The following HSPA4L variants were observed in gnomAD, a reference collection of about 807,000 sequenced individuals.
The protein encoded by HSPA4L is heat shock protein family A (Hsp70) member 4 like, also known as heat shock 70 kDa protein 4L.
HSPA4L carries 48 observed loss-of-function variants against 100.3 expected under a neutral mutation model. That is an observed-to-expected ratio of 0.48 (90% CI 0.38 to 0.61). The LOEUF is 0.61. Ranked by LOEUF, HSPA4L falls within the 20% of genes least tolerant of loss-of-function variation. The pLI, the probability that HSPA4L is intolerant of heterozygous loss-of-function variation, is 0.00. For missense variants in HSPA4L, 886 were observed against 988.6 expected, an observed-to-expected ratio of 0.90 and a Z score of 1.39; for synonymous variants, 319 against 328.2, an observed-to-expected ratio of 0.97 and a Z score of 0.30.
intron 1 of HSPA4L, among the ~76,000 whole-genome samples, chr4:127,792,447 C>T (rs1291760286): frequency 1.3e-5 from 2 of 152,194 alleles, no homozygotes; most frequent in South Asian, 4.1e-4. Flanking sequence ...CTAGTGCTAT[C>T]CAGTAGAACT....
In HSPA4L at chr4:127,827,370, C is replaced by T. The variant is rs752388921; in HGVS notation, c.2112C>T (p.Asp704=). The T allele has an allele frequency of 1.2e-6, 2 of 1,613,434 alleles. No homozygotes were observed. The highest frequency in any genetic ancestry group is 2.2e-5 in the South Asian group (2 of 91,054). ...AAGAGAGACCAAAAGCCTTAAATGA[C>T]TTGGGAAAAAAGATCCAACTTGTCA... ...EHEERPKALN[D]LGKKIQLVMK... is the part of the protein sequence containing the mutation. Residue 704 remains aspartate, a synonymous_variant, in exon 17 of 19, where the codon GAC becomes GAT. Coordinates refer to ENST00000296464, the MANE Select transcript of HSPA4L (RefSeq NM_014278.4).
Position 127,782,425 on chromosome 4 carries a change from G to A in HSPA4L, c.-126G>A. 1 of 732,326 alleles carries A rather than the reference G, an allele frequency of 1.4e-6. No homozygotes were observed. Among genetic ancestry groups the A allele is most frequent in the Non-Finnish European group, 2.4e-6 (1 of 417,940 alleles). The allele number at this position is 732,326 out of a possible 1,614,324, so 45.4% of individuals were successfully genotyped here. A position where few individuals can be genotyped will look rare whatever the true frequency, so the allele number is the denominator to read the frequency against. ...CTCCCTGCCCTAGATTTTCTGCTTA[G>A]CGACTTGGGGTCCCCTCTCGTTTGC... On this transcript the variant is annotated 5_prime_UTR_variant, in exon 1 of 19. Coordinates refer to ENST00000296464, the MANE Select transcript of HSPA4L (RefSeq NM_014278.4).
chr4:127,813,422 A>G (rs908752549), intron 12 of HSPA4L: 11 of 421,270 alleles, frequency 2.6e-5, no homozygotes, highest in Non-Finnish European at 4.6e-5. Context: ...TCATTTTGTA[A>G]TCGCTTTCTT....
intron 18 of HSPA4L, among the ~76,000 whole-genome samples, chr4:127,831,181 A>G (rs1200055690): frequency 6.6e-6 from 1 of 152,072 alleles, no homozygotes; most frequent in Non-Finnish European, 1.5e-5. Flanking sequence ...TCCGAGATAA[A>G]CTTTTCAATT....
chr4:127,812,310 G>C (rs951078321), intron 12 of HSPA4L, among the ~76,000 whole-genome samples: 1 of 151,568 alleles, frequency 6.6e-6, no homozygotes, highest in Non-Finnish European at 1.5e-5. Flanking sequence ...TCAGGAGGCT[G>C]AGGCAGGAGA....
chr4:127,809,911 T>C (rs919275827), intron 11 of HSPA4L, among the ~76,000 whole-genome samples: 2 of 152,228 alleles, frequency 1.3e-5, no homozygotes, highest in Admixed American at 6.5e-5. Context: ...GTTTATAGGA[T>C]TGGTGTCAGT....
chr4:127,805,241 A>G lies in HSPA4L; in HGVS notation c.1137+17A>G. ...GCGTTACAGGTATAATTGTTATTTT[A>G]TTTTTTAGAATATGTATTTTGCCAG... On this transcript the variant is annotated intron_variant, in intron 9 of 18. Coordinates refer to ENST00000296464, the MANE Select transcript of HSPA4L (RefSeq NM_014278.4). 2 of 1,573,214 alleles carry G rather than the reference A, an allele frequency of 1.3e-6. No individual in the cohort carries two copies. Among genetic ancestry groups the G allele is most frequent in the Non-Finnish European group, 1.7e-6 (2 of 1,159,492 alleles).
At position 127,837,639 on chromosome 4, in the gene HSPA4L, G is replaced by A. The variant is rs1274253574; in HGVS notation, c.*4765G>A. 1 of 152,058 alleles carries A rather than the reference G, an allele frequency of 6.6e-6. No individual in the cohort carries two copies. The highest frequency in any genetic ancestry group is 1.5e-5 in the Non-Finnish European group (1 of 68,008). The allele number at this position is 152,058 out of a possible 1,614,324, so 9.4% of individuals were successfully genotyped here. On this transcript the variant is annotated 3_prime_UTR_variant, in exon 19 of 19. Coordinates refer to ENST00000296464, the MANE Select transcript of HSPA4L (RefSeq NM_014278.4). Reference sequence around the variant, plus strand: ...TGCCCAACATTTGATTTAATCTAAAGCAAGAATATAAAATAATTTTAAGAA... The same window carrying A: ...TGCCCAACATTTGATTTAATCTAAAACAAGAATATAAAATAATTTTAAGAA...
At chr4:127,823,263 C>G (rs1159012679) in intron 15 of HSPA4L, among the ~76,000 whole-genome samples, 1 of 152,114 alleles carries the variant, frequency 6.6e-6, no homozygotes, top group African/African-American at 2.4e-5. Flanking sequence ...GTCCTCTCAC[C>G]TCACCCTCAT....
In HSPA4L at chr4:127,838,983, T is replaced by G. The variant is rs1255966958; in HGVS notation, c.*6109T>G. 3 of 152,196 alleles carry G rather than the reference T, an allele frequency of 2.0e-5. No individual in the cohort carries two copies. The highest frequency in any genetic ancestry group is 2.9e-5 in the Non-Finnish European group (2 of 68,028). 9.4% of individuals were successfully genotyped at this position (152,196 alleles called of 1,614,324 possible). A position where few individuals can be genotyped will look rare whatever the true frequency, so the allele number is the denominator to read the frequency against. Reference sequence around the variant, plus strand: ...TTTAATAGTAGCATTCTGGAGTAGATTCTTTTTTTGTATTCTGGCCTTGGA... The same window carrying G: ...TTTAATAGTAGCATTCTGGAGTAGAGTCTTTTTTTGTATTCTGGCCTTGGA... On this transcript the variant is annotated 3_prime_UTR_variant, in exon 19 of 19. Transcript: ENST00000296464.
chr4:127,812,697 A>ATT (rs376898760), intron 12 of HSPA4L: 198 of 705,332 alleles, frequency 2.8e-4, no homozygotes, highest in South Asian at 4.6e-4. Flanking sequence ...GAGGTCCTTT[A>ATT]TTTTTTTTTT....
rs1734333452 is a variant in HSPA4L at position 127,840,214 on chromosome 4, C to CCAT, written c.*7342_*7344dup. The stretch of plus-strand genomic sequence containing the variant: ...CCAGCCTGGGTGACAGAGCAAGACT[C>CCAT]CATCTCAAGAAAAAAATAAATAAAT... On this transcript the variant is annotated 3_prime_UTR_variant, in exon 19 of 19. Transcript: ENST00000296464. 6.6e-6 allele frequency: 1 copy of CCAT among 152,256 alleles called. No individual in the cohort carries two copies. Among genetic ancestry groups the CCAT allele is most frequent in the African/African-American group, 2.4e-5 (1 of 41,528 alleles). The allele number at this position is 152,256 out of a possible 1,614,324, so 9.4% of individuals were successfully genotyped here. A position where few individuals can be genotyped will look rare whatever the true frequency, so the allele number is the denominator to read the frequency against.
intron 12 of HSPA4L, among the ~76,000 whole-genome samples, chr4:127,812,009 T>A (rs975674923): frequency 1.2e-4 from 18 of 152,228 alleles, no homozygotes; most frequent in Admixed American, 6.5e-5. Context: ...CTATACATTC[T>A]TTTTAGATTG....
intron 18 of HSPA4L, among the ~76,000 whole-genome samples, chr4:127,831,377 T>G (rs1734076652): frequency 6.6e-6 from 1 of 151,922 alleles, no homozygotes; most frequent in East Asian, 1.9e-4. Context: ...AGTGCATATC[T>G]GTAGTCCCAG....
chr4:127,808,223 C>T lies in HSPA4L; in HGVS notation c.1378+94C>T. On this transcript the variant is annotated intron_variant, in intron 11 of 18. Transcript: ENST00000296464. ...GAAACAAATAGACATTTCAGCTAAG[C>T]CAGTATGGGACTTTTAAAGAAAGAT... 3.0e-6 allele frequency: 3 copies of T among 1,003,626 alleles called. No individual in the cohort carries two copies. In the South Asian group the frequency reaches 5.2e-5, roughly 17 times the overall value. 62.2% of individuals were successfully genotyped at this position (1,003,626 alleles called of 1,614,324 possible).
intron 2 of HSPA4L, among the ~76,000 whole-genome samples, chr4:127,794,544 A>C (rs1183996293): frequency 3.3e-5 from 5 of 152,098 alleles, no homozygotes; most frequent in African/African-American, 1.2e-4. Context: ...GGCTACCACT[A>C]ATTTACATAG....
intron 16 of HSPA4L, among the ~76,000 whole-genome samples, chr4:127,825,475 CAACTT>C (rs748573351): frequency 1.2e-4 from 19 of 152,202 alleles, no homozygotes; most frequent in Admixed American, 5.9e-4. Context: ...AGAAGTTACT[CAACTT>C]AAAAGTAAAA....
intron 12 of HSPA4L, among the ~76,000 whole-genome samples, chr4:127,815,546 A>G (rs753787924): frequency 3.3e-5 from 5 of 152,162 alleles, no homozygotes; most frequent in Non-Finnish European, 5.9e-5. Flanking sequence ...CCAGGGATCA[A>G]AGAAACTATA....
chr4:127,818,595 TA>T (rs1445989194), intron 13 of HSPA4L, among the ~76,000 whole-genome samples, 175 bp downstream of exon 13: 1 of 152,312 alleles, frequency 6.6e-6, no homozygotes, highest in Admixed American at 6.5e-5. Context: ...TTGTGTTTTT[TA>T]AAAAGGAACC....
Sources: gnomAD v4.1 joint callset for allele counts (sites outside exome capture counted in the v4.1 genomes callset) on GRCh38, gnomAD v4.1.1 for gene constraint, MANE v1.5 for transcripts, NCBI Gene and HGNC (gene_info 2026-07-23, HGNC 2026-07-21) for gene names.